Variants in CFDP1 observed in about 807,000 individuals in gnomAD.
CFDP1 encodes the protein heterochromatin-stabilizing protein CFDP1.
A neutral mutation model predicts 40.1 loss-of-function variants in CFDP1; 31 were observed. That is an observed-to-expected ratio of 0.77 (90% CI 0.58 to 1.04). The LOEUF (loss-of-function observed/expected upper bound fraction) is 1.04, where lower values mean the gene tolerates loss of function less well. Ranked by LOEUF, CFDP1 falls within the 50% of genes least tolerant of loss-of-function variation. The probability of loss-of-function intolerance (pLI) is 0.00; values close to 1 mark genes in which losing one functional copy is unlikely to be tolerated. For missense variants in CFDP1, 423 were observed against 343.4 expected, an observed-to-expected ratio of 1.23 and a Z score of -1.83; for synonymous variants, 167 against 120.0, an observed-to-expected ratio of 1.39 and a Z score of -2.56.
Position 75,379,195 on chromosome 16 carries a change from A to AAT in CFDP1, c.650+15893_650+15894dup, listed in dbSNP as rs563729419. Among the ~76,000 whole-genome samples the AAT allele has an allele frequency of 1.8e-3, 273 of 151,916 alleles. 1 individual carries two copies. Among genetic ancestry groups the AAT allele is most frequent in the African/African-American group, 5.9e-3 (246 of 41,434 alleles). On this transcript the variant is annotated intron_variant, in intron 5 of 6. Coordinates refer to ENST00000283882, the MANE Select transcript of CFDP1 (RefSeq NM_006324.3). ...CAAGAATCTAGTAAAAAAAAAGAGC[A>AAT]ATATATAGGCAAACCAAGCAGAAGC...
intron 4 of CFDP1, among the ~76,000 whole-genome samples, chr16:75,405,808 G>A (rs247429): frequency 0.93 from 138,123 of 148,888 alleles, 64,089 homozygotes; most frequent in East Asian, 1. Context: ...AGTCCTAGCT[G>A]CTAAGGAGGC....
chr16:75,333,791 G>C (rs1475285766), intron 5 of CFDP1, among the ~76,000 whole-genome samples: 1 of 152,112 alleles, frequency 6.6e-6, no homozygotes, highest in African/African-American at 2.4e-5. Context: ...TTTTGAAATA[G>C]AGGGAAGTAA....
intron 5 of CFDP1, among the ~76,000 whole-genome samples, chr16:75,366,522 C>G (rs1209534172): frequency 6.6e-6 from 1 of 152,030 alleles, no homozygotes; most frequent in Non-Finnish European, 1.5e-5. Context: ...ACTGGGGAGG[C>G]TGAAGCAAGA....
chr16:75,395,483 A>T (rs558190963), intron 4 of CFDP1, among the ~76,000 whole-genome samples: 1 of 152,094 alleles, frequency 6.6e-6, no homozygotes, highest in African/African-American at 2.4e-5. Flanking sequence ...ACATGGTGAA[A>T]TCCCGTCTCT....
At chr16:75,412,210 G>A (rs2079169274) in intron 3 of CFDP1, among the ~76,000 whole-genome samples, 1 of 152,130 alleles carries the variant, frequency 6.6e-6, no homozygotes, top group African/African-American at 2.4e-5. Flanking sequence ...GTAGAGACAG[G>A]ATTTCGCCAT....
chr16:75,314,059 A>G (rs1251694171), intron 5 of CFDP1, among the ~76,000 whole-genome samples: 3 of 151,916 alleles, frequency 2.0e-5, no homozygotes, highest in Non-Finnish European at 4.4e-5. Flanking sequence ...TAATTTTTGC[A>G]TTTTTAATAG....
At chr16:75,341,633 CAGA>C (rs952266350) in intron 5 of CFDP1, among the ~76,000 whole-genome samples, 1 of 150,860 alleles carries the variant, frequency 6.6e-6, no homozygotes, top group Admixed American at 6.6e-5. Context: ...TCTTTGACAG[CAGA>C]AGGTTTCAGC....
chr16:75,412,494 A>G (rs765854027), intron 3 of CFDP1, 41 bp downstream of exon 3: 4 of 1,448,478 alleles, frequency 2.8e-6, no homozygotes, highest in African/African-American at 2.8e-5. Context: ...AATGTAGGGT[A>G]TTTCTGGAGA....
intron 5 of CFDP1, among the ~76,000 whole-genome samples, chr16:75,376,244 T>A (rs1264334799): frequency 6.6e-6 from 1 of 152,042 alleles, no homozygotes; most frequent in African/African-American, 2.4e-5. Flanking sequence ...ACAAAAACAT[T>A]AAGCACACAT....
chr16:75,370,097 C>CTT (rs530812447), intron 5 of CFDP1, among the ~76,000 whole-genome samples: 1 of 142,128 alleles, frequency 7.0e-6, no homozygotes. Flanking sequence ...TTATTTATTA[C>CTT]TTTTTTTTTT....
chr16:75,416,360 G>GAA (rs2151590469), intron 1 of CFDP1, among the ~76,000 whole-genome samples: 1 of 150,886 alleles, frequency 6.6e-6, no homozygotes, highest in South Asian at 2.1e-4. Context: ...AGAGGTAAGA[G>GAA]AAACTGTGGC....
chr16:75,341,790 G>C (rs1050208879), intron 5 of CFDP1, among the ~76,000 whole-genome samples: 7 of 152,084 alleles, frequency 4.6e-5, no homozygotes, highest in African/African-American at 1.7e-4. Flanking sequence ...ACCGTTTCTA[G>C]GACTCCCTTT....
At chr16:75,384,764 A>C (rs2078878500) in intron 5 of CFDP1, among the ~76,000 whole-genome samples, 1 of 151,262 alleles carries the variant, frequency 6.6e-6, no homozygotes, top group Non-Finnish European at 1.5e-5. Flanking sequence ...GGCAGGCATA[A>C]AAAAAATACA....
At chr16:75,430,867 T>C (rs757651699) in intron 1 of CFDP1, among the ~76,000 whole-genome samples, 3 of 152,204 alleles carry the variant, frequency 2.0e-5, no homozygotes, top group Non-Finnish European at 4.4e-5. Context: ...TCGATGTTAA[T>C]GTCAGAGACA....
intron 4 of CFDP1, among the ~76,000 whole-genome samples, chr16:75,410,453 A>C (rs1284672948): frequency 6.6e-6 from 1 of 152,164 alleles, no homozygotes; most frequent in Non-Finnish European, 1.5e-5. Context: ...CTTATTAATC[A>C]ATCAGAAAAA....
At chr16:75,360,957 A>T (rs577435020) in intron 5 of CFDP1, among the ~76,000 whole-genome samples, 1 of 152,136 alleles carries the variant, frequency 6.6e-6, no homozygotes, top group Admixed American at 6.6e-5. Context: ...ACATCATCCA[A>T]TGTTAAGATA....
intron 5 of CFDP1, among the ~76,000 whole-genome samples, chr16:75,336,451 A>G (rs1177620918): frequency 1.3e-5 from 2 of 152,226 alleles, no homozygotes; most frequent in East Asian, 1.9e-4. Context: ...CCTGAGCACA[A>G]TCTGGTCAGA....
intron 5 of CFDP1, among the ~76,000 whole-genome samples, chr16:75,347,803 T>C (rs77977751): frequency 0.019 from 2,865 of 152,344 alleles, 80 homozygotes; most frequent in African/African-American, 0.063. Context: ...TACACTGATA[T>C]ATGAGAAAAG....
At chr16:75,378,764 T>C (rs2078825321) in intron 5 of CFDP1, among the ~76,000 whole-genome samples, 1 of 152,148 alleles carries the variant, frequency 6.6e-6, no homozygotes, top group Admixed American at 6.5e-5. Flanking sequence ...AAAAAGGAAT[T>C]TATTTAAAAG....
Sources: gnomAD v4.1 joint callset for allele counts (sites outside exome capture counted in the v4.1 genomes callset) on GRCh38, gnomAD v4.1.1 for gene constraint, MANE v1.5 for transcripts, NCBI Gene and HGNC (gene_info 2026-07-23, HGNC 2026-07-21) for gene names.